HELLS: variants seen among roughly 807,000 people sequenced by gnomAD.
The protein encoded by HELLS is helicase, lymphoid specific.
HELLS carries 32 observed loss-of-function variants against 120.0 expected under a neutral mutation model. That is an observed-to-expected ratio of 0.27 (90% CI 0.20 to 0.36). The LOEUF is 0.36. Ranked by LOEUF, HELLS falls within the 10% of genes least tolerant of loss-of-function variation. The probability of loss-of-function intolerance (pLI) is 1.00; values close to 1 mark genes in which losing one functional copy is unlikely to be tolerated. For missense variants in HELLS, 650 were observed against 993.4 expected (o/e 0.65, Z 4.65); for synonymous variants, 341 against 323.4 (o/e 1.05, Z -0.58).
intron 7 of HELLS, 21 bp from the exon 8 acceptor site, chr10:94,573,939 T>C: frequency 7.0e-7 from 1 of 1,435,556 alleles, no homozygotes; most frequent in Non-Finnish European, 9.7e-7. Flanking sequence ...ACACATCTTA[T>C]TAAACTTTTT....
chr10:94,551,715 T>C (rs1842985177), intron 2 of HELLS, among the ~76,000 whole-genome samples: 1 of 151,902 alleles, frequency 6.6e-6, no homozygotes, highest in African/African-American at 2.4e-5. Flanking sequence ...ATTTAGAGTA[T>C]AAAAATGAAT....
intron 1 of HELLS, 53 bp from the exon 2 acceptor site, chr10:94,546,324 A>C: frequency 1.2e-6 from 2 of 1,610,418 alleles, no homozygotes; most frequent in Non-Finnish European, 1.7e-6. Context: ...GTTGGAGTTG[A>C]GTAGTTGGTA....
intron 7 of HELLS, among the ~76,000 whole-genome samples, chr10:94,573,429 T>C (rs1844277929): frequency 6.6e-6 from 1 of 152,096 alleles, no homozygotes; most frequent in East Asian, 1.9e-4. Context: ...GATTTTAATT[T>C]GTAAGGGTTA....
chr10:94,612,744 G>A (rs1846206162), exon 10 of HELLS: 1 of 151,944 alleles, frequency 6.6e-6, no homozygotes, highest in Admixed American at 6.6e-5. Flanking sequence ...TGGTCAACAT[G>A]GTGAAACCCC....
At chr10:94,608,331 C>A (rs2134145180) in intron 9 of HELLS, among the ~76,000 whole-genome samples, 1 of 152,292 alleles carries the variant, frequency 6.6e-6, no homozygotes, top group South Asian at 2.1e-4. Flanking sequence ...TATAGATTGG[C>A]CCTGCAAGCA....
At chr10:94,575,512 T>C (rs991411774) in intron 9 of HELLS, among the ~76,000 whole-genome samples, 2 of 151,694 alleles carry the variant, frequency 1.3e-5, no homozygotes, top group Non-Finnish European at 2.9e-5. Flanking sequence ...TTATTTATTT[T>C]GAAATGGAGT....
rs767902293 is a variant in HELLS, at chr10:94,593,622, T to G, written c.2088+7T>G. 2.7e-6 allele frequency: 4 copies of G among 1,497,264 alleles called. No individual in the cohort carries two copies. Among genetic ancestry groups the G allele is most frequent in the Non-Finnish European group, 3.7e-6 (4 of 1,073,754 alleles). The allele number at this position is 1,497,264 out of a possible 1,614,324, so 92.7% of individuals were successfully genotyped here. On this transcript the variant is annotated splice_region_variant and intron_variant, in intron 18 of 21. Coordinates refer to ENST00000348459, the MANE Select transcript of HELLS (RefSeq NM_018063.5). ...CATTTATGATAGTGATTGGGTAAGT[T>G]GGAAGTATAGCAAGGAATATGCTGA...
intron 12 of HELLS, among the ~76,000 whole-genome samples, chr10:94,585,178 A>C (rs1447744844): frequency 6.6e-6 from 1 of 151,864 alleles, no homozygotes; most frequent in Non-Finnish European, 1.5e-5. Flanking sequence ...TTGAAGGCCA[A>C]AAGCAGTATA....
chr10:94,575,067 T>C (rs1022158798), intron 9 of HELLS, among the ~76,000 whole-genome samples: 1 of 152,012 alleles, frequency 6.6e-6, no homozygotes, highest in Non-Finnish European at 1.5e-5. Context: ...AAGAGAGTTT[T>C]CTGTTTTTTC....
intron 2 of HELLS, 76 bp downstream of exon 2, chr10:94,546,574 T>A: frequency 6.5e-7 from 1 of 1,543,614 alleles, no homozygotes; most frequent in Non-Finnish European, 8.9e-7. Context: ...TGGTTTGTGT[T>A]CTTTGCTTTC....
At chr10:94,548,629 T>A (rs554186379) in intron 2 of HELLS, among the ~76,000 whole-genome samples, 1 of 152,176 alleles carries the variant, frequency 6.6e-6, no homozygotes, top group South Asian at 2.1e-4. Flanking sequence ...TTGCAGTTAG[T>A]CCTAAATTTA....
In HELLS at chr10:94,571,376, T is replaced by C; in HGVS notation, c.436-12T>C. ...ACATTATTAATTTGTTTTTGTTTTC[T>C]CAAACTACTAGGAAATTTTGTCTGT... On this transcript the variant is annotated splice_polypyrimidine_tract_variant and intron_variant, in intron 6 of 21. Coordinates refer to ENST00000348459, the MANE Select transcript of HELLS (RefSeq NM_018063.5). 6.8e-7 allele frequency: 1 copy of C among 1,469,352 alleles called. No individual in the cohort carries two copies. The highest frequency in any genetic ancestry group is 9.4e-7 in the Non-Finnish European group (1 of 1,063,562). The allele number at this position is 1,469,352 out of a possible 1,614,324, so 91.0% of individuals were successfully genotyped here.
At chr10:94,603,039 C>T (rs992328335), downstream of HELLS, among the ~76,000 whole-genome samples, 1 of 152,196 alleles carries the variant, frequency 6.6e-6, no homozygotes, top group African/African-American at 2.4e-5. Context: ...AGAAAAGAAT[C>T]TTTAAAAGTT....
chr10:94,588,871 G>T (rs1845312208), intron 13 of HELLS, among the ~76,000 whole-genome samples: 1 of 152,180 alleles, frequency 6.6e-6, no homozygotes, highest in African/African-American at 2.4e-5. Context: ...TTTAGGCCAG[G>T]CACGGTGGCT....
At chr10:94,558,892 C>G (rs992889759) in intron 4 of HELLS, among the ~76,000 whole-genome samples, 1 of 152,154 alleles carries the variant, frequency 6.6e-6, no homozygotes, top group Non-Finnish European at 1.5e-5. Context: ...TGAGCCACCA[C>G]GCCCAGCCTG....
At chr10:94,589,175 A>G (rs1192866907) in intron 13 of HELLS, among the ~76,000 whole-genome samples, 1 of 152,078 alleles carries the variant, frequency 6.6e-6, no homozygotes, top group Non-Finnish European at 1.5e-5. Context: ...AAAAAAATGT[A>G]TATTTCCGTA....
At position 94,579,707 on chromosome 10, in the gene HELLS, G is replaced by T. The variant is rs74554798; in HGVS notation, c.1033-1619G>T. 4.6e-3 allele frequency among the ~76,000 whole-genome samples: 700 copies of T among 151,908 alleles called. 5 individuals carry two copies. The highest frequency in any genetic ancestry group is 0.016 in the African/African-American group (672 of 41,428). ...CAGGCGTCCGTCATCACACCTGACT[G>T]ATTCTTGTATTTTTTTGTAGGAACA... On this transcript the variant is annotated intron_variant, in intron 10 of 21. Coordinates refer to ENST00000348459, the MANE Select transcript of HELLS (RefSeq NM_018063.5).
chr10:94,554,092 T>C, intron 2 of HELLS, 34 bp from the exon 3 acceptor site: 1 of 1,529,392 alleles, frequency 6.5e-7, no homozygotes, highest in Non-Finnish European at 8.7e-7. Context: ...TGTCAGAAAG[T>C]GTTCATAATT....
intron 2 of HELLS, among the ~76,000 whole-genome samples, chr10:94,552,953 A>C (rs1299147754): frequency 6.6e-6 from 1 of 152,116 alleles, no homozygotes; most frequent in Non-Finnish European, 1.5e-5. Context: ...ACAGCATGAG[A>C]CCATGCCTTA....
Sources: gnomAD v4.1 joint callset for allele counts (sites outside exome capture counted in the v4.1 genomes callset) on GRCh38, gnomAD v4.1.1 for gene constraint, MANE v1.5 for transcripts, NCBI Gene and HGNC (gene_info 2026-07-23, HGNC 2026-07-21) for gene names.